GIPC2: variants seen among roughly 807,000 people sequenced by gnomAD.
GIPC2 encodes PDZ domain-containing protein GIPC2.
Under a neutral mutation model 30.6 loss-of-function variants are expected in GIPC2, and 30 were observed. The ratio of observed to expected loss-of-function variants is 0.98; its 90% CI spans 0.73 to 1.33. The LOEUF is 1.33. Among genes scored for constraint, GIPC2 ranks in the 40% most tolerant of loss-of-function variants. The pLI, the probability that GIPC2 is intolerant of heterozygous loss-of-function variation, is 0.00. For missense variants in GIPC2, 414 were observed against 390.3 expected, an observed-to-expected ratio of 1.06 and a Z score of -0.51; for synonymous variants, 167 against 150.0, an observed-to-expected ratio of 1.11 and a Z score of -0.83.
intron 1 of GIPC2, among the ~76,000 whole-genome samples, chr1:78,069,388 A>G (rs901276469): frequency 6.6e-6 from 1 of 151,926 alleles, no homozygotes; most frequent in Non-Finnish European, 1.5e-5. Context: ...CTGATGAAAC[A>G]TATAAGTGTG....
chr1:78,133,768 G>A (rs944550328), intron 5 of GIPC2, among the ~76,000 whole-genome samples: 10 of 151,628 alleles, frequency 6.6e-5, no homozygotes, highest in Non-Finnish European at 1.5e-4. Flanking sequence ...GTGTGTGTGT[G>A]TGTGTGTGTG....
intron 3 of GIPC2, among the ~76,000 whole-genome samples, chr1:78,105,189 A>C (rs1208744139): frequency 6.6e-6 from 1 of 152,192 alleles, no homozygotes. Flanking sequence ...TTTTAATCTG[A>C]GAAAAATGAA....
intron 2 of GIPC2, among the ~76,000 whole-genome samples, chr1:78,083,285 TC>T (rs1030724923): frequency 1.4e-4 from 22 of 152,334 alleles, no homozygotes; most frequent in African/African-American, 5.3e-4. Flanking sequence ...TTTGGGTTTT[TC>T]TGATGTTTCC....
At chr1:78,109,388 G>A (rs926558333) in intron 3 of GIPC2, among the ~76,000 whole-genome samples, 1 of 152,200 alleles carries the variant, frequency 6.6e-6, no homozygotes, top group Non-Finnish European at 1.5e-5. Flanking sequence ...ACCAATGAGA[G>A]TTATTTACCA....
chr1:78,100,115 G>A (rs1367312193), intron 3 of GIPC2, among the ~76,000 whole-genome samples: 1 of 152,172 alleles, frequency 6.6e-6, no homozygotes, highest in Non-Finnish European at 1.5e-5. Flanking sequence ...GATCATAAAT[G>A]TTCTATTAAC....
At chr1:78,052,007 G>A (rs765594352) in intron 1 of GIPC2, among the ~76,000 whole-genome samples, 20 of 152,052 alleles carry the variant, frequency 1.3e-4, no homozygotes, top group Non-Finnish European at 2.6e-4. Context: ...CCTCTCACTT[G>A]GAACAAACCA....
At chr1:78,071,464 C>G (rs959863955) in intron 1 of GIPC2, among the ~76,000 whole-genome samples, 1 of 146,542 alleles carries the variant, frequency 6.8e-6, no homozygotes, top group African/African-American at 2.5e-5. Context: ...TGTATAGTCT[C>G]TTCTAGAAGG....
intron 1 of GIPC2, among the ~76,000 whole-genome samples, chr1:78,048,925 C>T (rs1661146176): frequency 6.6e-6 from 1 of 151,978 alleles, no homozygotes; most frequent in African/African-American, 2.4e-5. Flanking sequence ...CCAGTTTTAC[C>T]ATGTTTATGC....
chr1:78,104,987 A>G (rs1662318072), intron 3 of GIPC2, among the ~76,000 whole-genome samples: 1 of 152,160 alleles, frequency 6.6e-6, no homozygotes, highest in Non-Finnish European at 1.5e-5. Context: ...TTTGTCACAA[A>G]GATACTATGG....
chr1:78,090,349 C>T (rs1662015759), intron 2 of GIPC2, among the ~76,000 whole-genome samples: 2 of 152,154 alleles, frequency 1.3e-5, no homozygotes, highest in Admixed American at 1.3e-4. Context: ...AATGTGCCAC[C>T]ATGCCTGGGT....
intron 3 of GIPC2, among the ~76,000 whole-genome samples, chr1:78,100,908 C>T (rs1177916663): frequency 2.3e-4 from 29 of 124,762 alleles, no homozygotes; most frequent in Admixed American, 2.3e-3. Flanking sequence ...CCAGCCTGGG[C>T]AACAGAGTGA....
chr1:78,131,103 CA>C (rs1337574873), intron 5 of GIPC2, among the ~76,000 whole-genome samples: 4 of 152,088 alleles, frequency 2.6e-5, no homozygotes, highest in Non-Finnish European at 5.9e-5. Context: ...TCCCAAGTAG[CA>C]GGGATTACAG....
Position 78,080,856 on chromosome 1 carries a change from TA to T in GIPC2, c.425del (p.Lys142ArgfsTer24), listed in dbSNP as rs1557535629. ...ITDNGVGYAF[I>X]KRIKDGGVID... ...GATAATGGTGTTGGCTATGCTTTTA[TA>T]AAGGTAAGTTTTAAAAAATAACAGT... On this transcript the variant is annotated frameshift_variant, in exon 2 of 6. Transcript: ENST00000370759. LOFTEE classifies it high-confidence loss of function. The T allele has an allele frequency of 5.1e-6, 8 of 1,572,526 alleles. No individual in the cohort carries two copies. In the South Asian group the frequency reaches 9.3e-5, roughly 18 times the overall value.
chr1:78,049,893 C>CTTTTTTT (rs35263483), intron 1 of GIPC2, among the ~76,000 whole-genome samples: 5 of 98,462 alleles, frequency 5.1e-5, no homozygotes, highest in Admixed American at 1.2e-4. Context: ...AGAAAAACCT[C>CTTTTTTT]TTTTTTTTTT....
At chr1:78,125,593 T>C (rs1362354067) in intron 4 of GIPC2, among the ~76,000 whole-genome samples, 1 of 152,230 alleles carries the variant, frequency 6.6e-6, no homozygotes, top group Non-Finnish European at 1.5e-5. Context: ...AACTGTTACA[T>C]GTTATTTATT....
intron 4 of GIPC2, among the ~76,000 whole-genome samples, chr1:78,121,603 G>A (rs1428369012): frequency 6.6e-6 from 1 of 152,142 alleles, no homozygotes; most frequent in African/African-American, 2.4e-5. Context: ...AAGATCCTGA[G>A]TCAAATGCGT....
intron 1 of GIPC2, among the ~76,000 whole-genome samples, chr1:78,051,592 C>T (rs113658878): frequency 0.017 from 2,583 of 151,506 alleles, 87 homozygotes; most frequent in African/African-American, 0.059. Flanking sequence ...CTCTGCCTCC[C>T]GGGTTCAAGT....
chr1:78,101,532 A>G (rs1372897056), intron 3 of GIPC2, among the ~76,000 whole-genome samples: 1 of 152,150 alleles, frequency 6.6e-6, no homozygotes, highest in East Asian at 1.9e-4. Flanking sequence ...TAACGTATGT[A>G]TTTTTTACTG....
At chr1:78,059,559 A>G (rs1661354770) in intron 1 of GIPC2, among the ~76,000 whole-genome samples, 1 of 152,210 alleles carries the variant, frequency 6.6e-6, no homozygotes, top group African/African-American at 2.4e-5. Flanking sequence ...CCTGGGCAAC[A>G]TGGTGAAATC....
Sources: allele counts gnomAD v4.1 joint callset (sites outside exome capture counted in the v4.1 genomes callset), GRCh38; gene constraint gnomAD v4.1.1; transcripts MANE v1.5; gene names NCBI Gene and HGNC (gene_info 2026-07-23, HGNC 2026-07-21).